MCOLN2: variants seen among roughly 807,000 people sequenced by gnomAD.
MCOLN2 encodes mucolipin-2.
In MCOLN2, 57 loss-of-function variants were observed where a neutral mutation model predicts 67.5. The observed-to-expected ratio is 0.84, with a 90% CI of 0.68 to 1.05. MCOLN2 has a LOEUF of 1.05. Among genes scored for constraint, MCOLN2 ranks in the 50% least tolerant of loss-of-function variants. The pLI, the probability that MCOLN2 is intolerant of heterozygous loss-of-function variation, is 0.00. For synonymous variants in MCOLN2, 246 were observed against 233.3 expected, an observed-to-expected ratio of 1.05 and a Z score of -0.50; for missense variants, 620 against 678.8, an observed-to-expected ratio of 0.91 and a Z score of 0.96.
chr1:84,952,792 T>C lies in MCOLN2; in HGVS notation c.566-262A>G, dbSNP rs370776712. Among the ~76,000 whole-genome samples, 40 of 152,346 alleles carry C rather than the reference T, an allele frequency of 2.6e-4. 1 individual carries two copies. The South Asian group carries it at 8.3e-3, about 32-fold the overall frequency. On this transcript the variant is annotated intron_variant, in intron 4 of 13. Transcript: ENST00000370608. ...ACATGTACCTCCTGATACAATGAAC[T>C]GAGAAGCATATGACATCACTTGTGT... is the stretch of plus-strand genomic sequence containing the variant.
At chr1:84,955,853 AAAT>A (rs1292033876) in intron 4 of MCOLN2, among the ~76,000 whole-genome samples, 1 of 152,202 alleles carries the variant, frequency 6.6e-6, no homozygotes, top group Non-Finnish European at 1.5e-5. Flanking sequence ...CAAAACAATA[AAAT>A]AATGAAACAT....
intron 11 of MCOLN2, among the ~76,000 whole-genome samples, chr1:84,934,568 T>C (rs963500100): frequency 7.1e-6 from 1 of 140,356 alleles, no homozygotes; most frequent in African/African-American, 2.4e-5. Flanking sequence ...AGGAGGAAAA[T>C]GTAATGCAGA....
chr1:84,942,456 A>T (rs1435109628), intron 7 of MCOLN2, among the ~76,000 whole-genome samples: 2 of 152,216 alleles, frequency 1.3e-5, no homozygotes, highest in South Asian at 4.1e-4. Context: ...GGGTAGAATT[A>T]AAAAATACCT....
rs1647740110 is a variant in MCOLN2, at chr1:84,940,917, A to G, written c.922T>C (p.Cys308Arg). 6.2e-7 allele frequency: 1 copy of G among 1,613,490 alleles called. No homozygotes were observed. The highest frequency in any genetic ancestry group is 1.3e-5 in the African/African-American group (1 of 74,906). The part of the protein sequence containing the change: ...IVICLASLIL[C>R]TRSIVLALRL... ...AGAGCAAGAACAATGGATCTTGTAC[A>G]CAGAATAAGAGATGCCAAGCAAATC... Residue 308 changes from cysteine to arginine, a missense_variant, in exon 8 of 14, where the codon TGT becomes CGT. Coordinates refer to ENST00000370608, the MANE Select transcript of MCOLN2 (RefSeq NM_153259.4).
Position 84,926,491 on chromosome 1 carries a change from T to C in MCOLN2, c.*194A>G, listed in dbSNP as rs921597983. On this transcript the variant is annotated 3_prime_UTR_variant, in exon 14 of 14. Coordinates refer to ENST00000370608, the MANE Select transcript of MCOLN2 (RefSeq NM_153259.4). ...ATGCCCAGTAGTAGCCCATGGTCTA[T>C]TCTTTATCATTCAAGTTTATAAAAA... is the stretch of plus-strand genomic sequence containing the variant. The C allele has an allele frequency of 2.2e-6, 1 of 446,972 alleles. No homozygotes were observed. Among genetic ancestry groups the C allele is most frequent in the Non-Finnish European group, 4.0e-6 (1 of 248,626 alleles). 27.7% of individuals were successfully genotyped at this position (446,972 alleles called of 1,614,324 possible). A position where few individuals can be genotyped will look rare whatever the true frequency, so the allele number is the denominator to read the frequency against.
rs745692652 is a variant in MCOLN2 at position 84,965,638 on chromosome 1, T to C, written c.148A>G (p.Met50Val). The C allele has an allele frequency of 6.2e-7, 1 of 1,614,090 alleles. No individual in the cohort carries two copies. Among genetic ancestry groups the C allele is most frequent in the Non-Finnish European group, 8.5e-7 (1 of 1,179,946 alleles). The change falls in exon 2 of 14, where the codon ATG becomes GTG. Residue 50 changes from methionine to valine, a missense_variant. Physicochemically the swap from Met to Val is conservative, Grantham distance 21 (BLOSUM62 1). Coordinates refer to ENST00000370608, the MANE Select transcript of MCOLN2 (RefSeq NM_153259.4). ...CLREDLKFYF[M>V]SPCEKYRARR... ...GCTCGGTATTTTTCACAAGGGCTCA[T>C]GAAGTAAAACTTCAGGTCTTCCCTT...
intron 4 of MCOLN2, among the ~76,000 whole-genome samples, chr1:84,955,217 C>T (rs1648721898): frequency 6.6e-6 from 1 of 152,134 alleles, no homozygotes; most frequent in Non-Finnish European, 1.5e-5. Context: ...TTCCTGAGGC[C>T]TCCACAGCCC....
intron 6 of MCOLN2, among the ~76,000 whole-genome samples, chr1:84,947,607 C>T (rs1016129200): frequency 2.6e-5 from 4 of 152,220 alleles, no homozygotes; most frequent in African/African-American, 9.6e-5. Flanking sequence ...TACAGGAGAG[C>T]CCTCCAGTCC....
At position 84,972,204 on chromosome 1, in the gene MCOLN2, C is replaced by A. The variant is rs561970061; in HGVS notation, c.78-6496G>T. 6.6e-5 allele frequency among the ~76,000 whole-genome samples: 10 copies of A among 152,256 alleles called. No individual in the cohort carries two copies. In the East Asian group the frequency reaches 1.7e-3, roughly 26 times the overall value. On this transcript the variant is annotated intron_variant, in intron 1 of 13. Coordinates refer to ENST00000370608, the MANE Select transcript of MCOLN2 (RefSeq NM_153259.4). ...AGTCAGGAGAATGAAAGTAACTGTA[C>A]CGTAAAACCACTTAAGGAACAGAAA...
chr1:84,979,379 A>T (rs1185717670), intron 1 of MCOLN2, among the ~76,000 whole-genome samples: 1 of 152,240 alleles, frequency 6.6e-6, no homozygotes, highest in African/African-American at 2.4e-5. Context: ...CATAAAAAAA[A>T]TTACAGGCCA....
At chr1:84,988,113 T>C (rs1237743601) in intron 1 of MCOLN2, among the ~76,000 whole-genome samples, 4 of 152,216 alleles carry the variant, frequency 2.6e-5, no homozygotes, top group Admixed American at 1.3e-4. Flanking sequence ...TAAAAAATGC[T>C]TCAGTTGGAA....
chr1:84,975,805 T>C (rs569726338), intron 1 of MCOLN2, among the ~76,000 whole-genome samples: 6 of 152,022 alleles, frequency 3.9e-5, no homozygotes, highest in Non-Finnish European at 8.8e-5. Flanking sequence ...AATTCAAAAT[T>C]CTATCAGATA....
intron 1 of MCOLN2, among the ~76,000 whole-genome samples, chr1:84,995,806 T>TTAAAA (rs1553159763): frequency 6.7e-6 from 1 of 150,352 alleles, no homozygotes; most frequent in Non-Finnish European, 1.5e-5. Flanking sequence ...TCTATTTTTT[T>TTAAAA]AAAAAAAAAC....
chr1:84,968,696 T>C, intron 1 of MCOLN2, among the ~76,000 whole-genome samples: 1 of 152,216 alleles, frequency 6.6e-6, no homozygotes, highest in East Asian at 1.9e-4. Flanking sequence ...ACATAATCTC[T>C]CTGACCTTCT....
intron 7 of MCOLN2, among the ~76,000 whole-genome samples, chr1:84,946,448 A>G (rs80259352): frequency 0.042 from 6,460 of 152,244 alleles, 477 homozygotes; most frequent in African/African-American, 0.15. Flanking sequence ...CCTGGAAGGT[A>G]AGTTTAGGCT....
At chr1:84,994,361 A>G (rs2102897645) in intron 1 of MCOLN2, among the ~76,000 whole-genome samples, 1 of 150,350 alleles carries the variant, frequency 6.7e-6, no homozygotes, top group South Asian at 2.1e-4. Flanking sequence ...TGTCCTCTCT[A>G]CTAGGAAAGT....
intron 3 of MCOLN2, among the ~76,000 whole-genome samples, chr1:84,956,799 C>T (rs1052734443): frequency 4.6e-5 from 7 of 152,192 alleles, no homozygotes; most frequent in African/African-American, 1.7e-4. Context: ...TGATGGACAG[C>T]TCCCACCTCA....
intron 2 of MCOLN2, among the ~76,000 whole-genome samples, chr1:84,961,399 T>C (rs1649082299): frequency 2.0e-5 from 3 of 152,210 alleles, no homozygotes; most frequent in South Asian, 2.1e-4. Flanking sequence ...TTGCTGATAT[T>C]TGAAGCCATA....
rs994443474 is a variant in MCOLN2 at position 84,941,267 on chromosome 1, T to A, written c.848-276A>T. Among the ~76,000 whole-genome samples the A allele has an allele frequency of 2.6e-5, 4 of 151,912 alleles. No individual in the cohort carries two copies. In the East Asian group the frequency reaches 7.8e-4, roughly 29 times the overall value. ...ATCCCAGCACTTTGGGAGGCTGAGGTGGGCGGATCACGAGGTCAGGAGATC... is the reference window on the plus strand; with the variant it reads ...ATCCCAGCACTTTGGGAGGCTGAGGAGGGCGGATCACGAGGTCAGGAGATC... On this transcript the variant is annotated intron_variant, in intron 7 of 13. Transcript: ENST00000370608.
Sources: allele counts gnomAD v4.1 joint callset (sites outside exome capture counted in the v4.1 genomes callset), GRCh38; gene constraint gnomAD v4.1.1; transcripts MANE v1.5; gene names NCBI Gene and HGNC (gene_info 2026-07-23, HGNC 2026-07-21).